The following WWOX variants were observed in gnomAD, a reference collection of about 807,000 sequenced individuals.
WWOX encodes WW domain-containing oxidoreductase.
Under a neutral mutation model 46.2 loss-of-function variants are expected in WWOX, and 69 were observed. The observed-to-expected ratio is 1.49, with a 90% confidence interval of 1.23 to 1.82. The LOEUF (loss-of-function observed/expected upper bound fraction) is 1.82, where lower values mean the gene tolerates loss of function less well. Among genes scored for constraint, WWOX ranks in the 40% most tolerant of loss-of-function variants. The probability of loss-of-function intolerance (pLI) is 0.00; values close to 1 mark genes in which losing one functional copy is unlikely to be tolerated. For missense variants in WWOX, 919 were observed against 542.6 expected (o/e 1.69, Z -6.89); for synonymous variants, 359 against 202.6 (o/e 1.77, Z -6.56).
chr16:78,216,128 A>C (rs2036713922), intron 5 of WWOX, among the ~76,000 whole-genome samples: 1 of 152,174 alleles, frequency 6.6e-6, no homozygotes, highest in Non-Finnish European at 1.5e-5. Flanking sequence ...GGACCATTCC[A>C]TCTCAATTTG....
At chr16:78,180,385 GGC>G (rs1318874501) in intron 5 of WWOX, among the ~76,000 whole-genome samples, 2 of 151,658 alleles carry the variant, frequency 1.3e-5, no homozygotes, top group African/African-American at 4.8e-5. Flanking sequence ...AAGAGTTGGG[GGC>G]ATATGTTAGC....
intron 8 of WWOX, among the ~76,000 whole-genome samples, chr16:78,797,358 T>TAAAAAAA (rs57291441): frequency 0.014 from 1,588 of 116,444 alleles, 29 homozygotes; most frequent in African/African-American, 0.054. Context: ...GTCAAAGTGG[T>TAAAAAAA]AAAAAAAAAA....
chr16:78,565,335 T>C (rs2044539335), intron 8 of WWOX, among the ~76,000 whole-genome samples: 1 of 152,364 alleles, frequency 6.6e-6, no homozygotes, highest in Non-Finnish European at 1.5e-5. Flanking sequence ...TCAGTAGGGC[T>C]TGTTCCTTCT....
rs1435064799 is a variant in WWOX, at chr16:78,880,970, A to G, written c.1057-330638A>G. ...TTATGAGTCTATCTTTCGGTCCCCT[A>G]AAGCTTCTGGTAATTTTTTTTCTTT... is the stretch of plus-strand genomic sequence containing the variant. On this transcript the variant is annotated intron_variant, in intron 8 of 8. Transcript: ENST00000566780. Among the ~76,000 whole-genome samples, 4 of 149,762 alleles carry G rather than the reference A, an allele frequency of 2.7e-5. No individual in the cohort carries two copies. In the East Asian group the frequency reaches 5.9e-4, roughly 22 times the overall value.
At chr16:78,381,201 A>G (rs371302109) in intron 5 of WWOX, among the ~76,000 whole-genome samples, 13 of 152,338 alleles carry the variant, frequency 8.5e-5, no homozygotes, top group East Asian at 7.7e-4. Context: ...GCAGTATCGC[A>G]TCAGAGTCAC....
intron 8 of WWOX, among the ~76,000 whole-genome samples, chr16:78,446,649 A>G (rs2083566802): frequency 6.8e-6 from 1 of 147,418 alleles, no homozygotes; most frequent in Non-Finnish European, 1.5e-5. Flanking sequence ...TATAGTACCA[A>G]GTGTATACTT....
At chr16:78,946,255 A>G (rs1322043177) in intron 8 of WWOX, among the ~76,000 whole-genome samples, 2 of 152,042 alleles carry the variant, frequency 1.3e-5, no homozygotes, top group Non-Finnish European at 2.9e-5. Flanking sequence ...CAGCAGTGCA[A>G]TCTCGGCTCA....
chr16:78,546,869 G>T (rs373401197), intron 8 of WWOX, among the ~76,000 whole-genome samples: 88 of 152,270 alleles, frequency 5.8e-4, no homozygotes, highest in African/African-American at 1.8e-3. Flanking sequence ...GCTCATGCCC[G>T]TAATCTTAGC....
chr16:78,223,815 GCAGCACAACAAAA>G (rs1567439027), intron 5 of WWOX, among the ~76,000 whole-genome samples: 2 of 152,152 alleles, frequency 1.3e-5, no homozygotes, highest in African/African-American at 4.8e-5. Flanking sequence ...TTCCAAAACA[GCAGCACAACAAAA>G]TAGCCATTTA....
At chr16:79,071,744 A>G (rs143422069) in intron 8 of WWOX, among the ~76,000 whole-genome samples, 1 of 152,352 alleles carries the variant, frequency 6.6e-6, no homozygotes, top group Non-Finnish European at 1.5e-5. Flanking sequence ...GCTTCAAGTA[A>G]TTGATCTGTT....
intron 8 of WWOX, among the ~76,000 whole-genome samples, chr16:78,697,373 G>C (rs1353957632): frequency 1.3e-5 from 2 of 152,052 alleles, no homozygotes; most frequent in Admixed American, 6.6e-5. Context: ...GGAGTAAGAT[G>C]GTATCGCAAA....
chr16:78,711,455 C>T (rs1160061336), intron 8 of WWOX, among the ~76,000 whole-genome samples: 5 of 152,098 alleles, frequency 3.3e-5, no homozygotes, highest in African/African-American at 9.7e-5. Context: ...GAATATTTAA[C>T]ATTTTTTTGT....
At chr16:78,980,605 C>T (rs1296896770) in intron 8 of WWOX, among the ~76,000 whole-genome samples, 2 of 152,120 alleles carry the variant, frequency 1.3e-5, no homozygotes, top group Non-Finnish European at 2.9e-5. Context: ...TGTAGGTATC[C>T]TGATGGTAAG....
Position 78,594,429 on chromosome 16 carries a change from G to GCC in WWOX, c.1056+161692_1056+161693dup, listed in dbSNP as rs138806967. On this transcript the variant is annotated intron_variant, in intron 8 of 8. Transcript: ENST00000566780. ...TCTTGACGAAGAAGACTGAGGAAAG[G>GCC]CCCCCCCCCCCCCCCCGCCAAATTG... 2.8e-4 allele frequency among the ~76,000 whole-genome samples: 9 copies of GCC among 32,384 alleles called. 1 individual carries two copies. The highest frequency in any genetic ancestry group is 8.1e-4 in the African/African-American group (6 of 7,368). The allele number at this position is 32,384 out of a possible 152,430, so 21.2% of individuals were successfully genotyped here.
chr16:78,416,688 C>A (rs1408789000), intron 6 of WWOX, among the ~76,000 whole-genome samples: 1 of 152,144 alleles, frequency 6.6e-6, no homozygotes, highest in Non-Finnish European at 1.5e-5. Flanking sequence ...TTAAAATTCC[C>A]AATGTCCAGG....
At chr16:78,872,691 TC>T (rs1245543688) in intron 8 of WWOX, 1 of 152,198 alleles carries the variant, frequency 6.6e-6, no homozygotes, top group Admixed American at 6.5e-5. Flanking sequence ...ACAGGCAGTG[TC>T]CCCAACCACT....
intron 5 of WWOX, among the ~76,000 whole-genome samples, chr16:78,377,723 A>AT (rs1391993952): frequency 3.9e-5 from 6 of 152,250 alleles, no homozygotes; most frequent in Admixed American, 3.9e-4. Flanking sequence ...CAGGATAAGC[A>AT]TTTTTTATCC....
intron 8 of WWOX, among the ~76,000 whole-genome samples, chr16:78,628,076 T>C (rs2046349677): frequency 6.6e-6 from 1 of 152,102 alleles, no homozygotes; most frequent in Non-Finnish European, 1.5e-5. Flanking sequence ...TTTGTAAGGA[T>C]TTTCAAGGAG....
chr16:78,300,916 C>G (rs1223732524), intron 5 of WWOX, among the ~76,000 whole-genome samples: 1 of 152,050 alleles, frequency 6.6e-6, no homozygotes, highest in Non-Finnish European at 1.5e-5. Flanking sequence ...GTCAGTTCAT[C>G]TATCTGTCCA....
Sources: gnomAD v4.1 joint callset for allele counts (sites outside exome capture counted in the v4.1 genomes callset) on GRCh38, gnomAD v4.1.1 for gene constraint, MANE v1.5 for transcripts, NCBI Gene and HGNC (gene_info 2026-07-23, HGNC 2026-07-21) for gene names.